KPNA7: variants seen among roughly 807,000 people sequenced by gnomAD.
The protein encoded by KPNA7 is importin subunit alpha-8.
Under a neutral mutation model 53.7 loss-of-function variants are expected in KPNA7, and 54 were observed. That is an observed-to-expected ratio of 1.01 (90% CI 0.81 to 1.26). The LOEUF (loss-of-function observed/expected upper bound fraction) is 1.26, where lower values mean the gene tolerates loss of function less well. Ranked by LOEUF, KPNA7 falls within the 50% of genes most tolerant of loss-of-function variation. KPNA7 has a pLI of 0.00. For synonymous variants in KPNA7, 276 were observed against 259.3 expected (o/e 1.06, Z -0.62); for missense variants, 640 against 644.5 (o/e 0.99, Z 0.07).
intron 1 of KPNA7, among the ~76,000 whole-genome samples, chr7:99,214,407 C>CA (rs926382967): frequency 6.6e-6 from 1 of 150,450 alleles, no homozygotes; most frequent in Non-Finnish European, 1.5e-5. Context: ...CGCACCACTG[C>CA]ACTCCAGTCT....
the KPNA7 span, among the ~76,000 whole-genome samples, chr7:99,165,526 A>G: frequency 3.9e-5 from 6 of 152,284 alleles, no homozygotes; most frequent in East Asian, 5.8e-4. Context: ...GCAGGCCCCA[A>G]TGTCCACTAA....
At chr7:99,188,174 CAAAA>C (rs59219718) in intron 7 of KPNA7, 122 bp downstream of exon 7, 967 of 389,058 alleles carry the variant, frequency 2.5e-3, no homozygotes, top group African/African-American at 6.8e-3. Context: ...GACTCTGTCT[CAAAA>C]AAAAAAAAAA....
intron 6 of KPNA7, among the ~76,000 whole-genome samples, chr7:99,191,856 G>C (rs894563014): frequency 1.3e-5 from 2 of 152,132 alleles, no homozygotes; most frequent in Non-Finnish European, 2.9e-5. Context: ...CGCCATATTA[G>C]TCAGGCTGGT....
intron 7 of KPNA7, among the ~76,000 whole-genome samples, chr7:99,187,797 TTTAAAAAAAAAAAAAAA>T (rs1789684323): frequency 5.0e-5 from 4 of 79,920 alleles, no homozygotes; most frequent in Non-Finnish European, 8.8e-5. Context: ...GGCCTTTTTT[TTTAAAAAAAAAAAAAAA>T]AAAAAAAAAA....
At chr7:99,201,224 G>C (rs1003433786) in intron 3 of KPNA7, among the ~76,000 whole-genome samples, 1 of 152,144 alleles carries the variant, frequency 6.6e-6, no homozygotes, top group Non-Finnish European at 1.5e-5. Context: ...ACTCCTGAAT[G>C]ACTGGAGTTT....
intron 1 of KPNA7, among the ~76,000 whole-genome samples, chr7:99,214,427 A>G (rs576178829): frequency 1.2e-3 from 187 of 150,444 alleles, no homozygotes; most frequent in African/African-American, 4.2e-3. Context: ...TGGGTGACAG[A>G]GCAAGACCCT....
chr7:99,186,044 C>T (rs1789570299), intron 7 of KPNA7, among the ~76,000 whole-genome samples: 2 of 151,932 alleles, frequency 1.3e-5, no homozygotes, highest in African/African-American at 2.4e-5. Flanking sequence ...CTGCCTACCT[C>T]GGCCTCCCAA....
upstream of KPNA7, among the ~76,000 whole-genome samples, chr7:99,209,394 T>C (rs987784520): frequency 2.6e-5 from 4 of 152,110 alleles, no homozygotes; most frequent in Admixed American, 2.6e-4. Context: ...GCCTTCCAGC[T>C]GGTCTCCCTG....
chr7:99,150,501 G>T, the KPNA7 span, among the ~76,000 whole-genome samples: 1 of 141,806 alleles, frequency 7.1e-6, no homozygotes, highest in Non-Finnish European at 1.5e-5. Flanking sequence ...CACAATCTCC[G>T]CCTCCTGGGT....
chr7:99,148,307 C>CT, the KPNA7 span, among the ~76,000 whole-genome samples: 17 of 152,142 alleles, frequency 1.1e-4, no homozygotes, highest in Non-Finnish European at 2.2e-4. Flanking sequence ...CATTTGACTG[C>CT]TTTTATTTCC....
intron 7 of KPNA7, among the ~76,000 whole-genome samples, chr7:99,187,830 A>T (rs1789696230): frequency 7.8e-6 from 1 of 128,506 alleles, no homozygotes; most frequent in South Asian, 2.4e-4. Flanking sequence ...AAAAAAAAAA[A>T]AAAAACCCAC....
At position 99,216,084 on chromosome 7, in the gene KPNA7, G is replaced by A. The variant is rs1268123875; in HGVS notation, c.-23-8595C>T. 2.6e-5 allele frequency among the ~76,000 whole-genome samples: 4 copies of A among 152,042 alleles called. No homozygotes were observed. In the South Asian group the frequency reaches 8.3e-4, roughly 32 times the overall value. On this transcript the variant is annotated intron_variant, in intron 1 of 10. Coordinates refer to the KPNA7 transcript ENST00000681060. ...CTCCCACCATCCAGGCTGGAGTGCA[G>A]TGGCACAATCACAGCTCACTACAGC...
At chr7:99,209,707 A>G (rs1019770212), upstream of KPNA7, among the ~76,000 whole-genome samples, 41 of 128,750 alleles carry the variant, frequency 3.2e-4, no homozygotes, top group South Asian at 3.2e-3. Flanking sequence ...AAAAAAAAAA[A>G]AAAGAAAAAA....
At chr7:99,171,965 T>C (rs911000905), downstream of KPNA7, among the ~76,000 whole-genome samples, 5 of 152,168 alleles carry the variant, frequency 3.3e-5, no homozygotes, top group African/African-American at 1.2e-4. Context: ...GGTAGATTAC[T>C]GACGTATTAC....
downstream of KPNA7, among the ~76,000 whole-genome samples, chr7:99,172,313 C>G (rs545295585): frequency 6.6e-6 from 1 of 152,138 alleles, no homozygotes; most frequent in African/African-American, 2.4e-5. Flanking sequence ...GTGGAAGAGG[C>G]ATGGGTCCTC....
At chr7:99,167,417 G>C in the KPNA7 span, among the ~76,000 whole-genome samples, 10 of 152,200 alleles carry the variant, frequency 6.6e-5, no homozygotes, top group African/African-American at 2.2e-4. Context: ...TCCCATAGGA[G>C]AGAGAACCCT....
chr7:99,174,816 A>T (rs4727427), intron 10 of KPNA7, among the ~76,000 whole-genome samples: 92,181 of 148,912 alleles, frequency 0.62, 31,079 homozygotes, highest in East Asian at 0.89. Flanking sequence ...CTTATTTATT[A>T]TTTTTTTTTT....
At chr7:99,181,335 A>G (rs1799264315) in intron 9 of KPNA7, among the ~76,000 whole-genome samples, 1 of 152,088 alleles carries the variant, frequency 6.6e-6, no homozygotes, top group South Asian at 2.1e-4. Flanking sequence ...TCCCTACCTG[A>G]TGTGTCTGTT....
intron 6 of KPNA7, among the ~76,000 whole-genome samples, chr7:99,192,146 A>T (rs1211530661): frequency 6.6e-6 from 1 of 152,118 alleles, no homozygotes. Context: ...GAGGTTGCAA[A>T]TTTTTTTGTG....
Sources: gnomAD v4.1 joint callset for allele counts (sites outside exome capture counted in the v4.1 genomes callset) on GRCh38, gnomAD v4.1.1 for gene constraint, MANE v1.5 for transcripts, NCBI Gene and HGNC (gene_info 2026-07-23, HGNC 2026-07-21) for gene names.